The following TLE3 variants were observed in gnomAD, a reference collection of about 807,000 sequenced individuals.
TLE3 encodes TLE family member 3, transcriptional corepressor, also known as transducin-like enhancer protein 3.
TLE3 carries 14 observed loss-of-function variants against 93.0 expected under a neutral mutation model. The ratio of observed to expected loss-of-function variants is 0.15; its 90% confidence interval spans 0.10 to 0.24. The LOEUF (loss-of-function observed/expected upper bound fraction) is 0.24. TLE3 is among the 10% of genes least tolerant of loss of function. The pLI is 1.00. For missense variants in TLE3, 693 were observed against 1,046.6 expected, an observed-to-expected ratio of 0.66 and a Z score of 4.66; for synonymous variants, 451 against 425.0, an observed-to-expected ratio of 1.06 and a Z score of -0.75.
intron 15 of TLE3, 62 bp downstream of exon 15, chr15:70,054,987 G>A (rs2055894792): frequency 1.3e-6 from 2 of 1,525,286 alleles, no homozygotes; most frequent in Non-Finnish European, 1.8e-6. Context: ...CTCCCCTGTG[G>A]CCCAGGCTGC....
chr15:70,073,032 C>A (rs1036305570), intron 6 of TLE3, among the ~76,000 whole-genome samples: 1 of 152,210 alleles, frequency 6.6e-6, no homozygotes, highest in African/African-American at 2.4e-5. Context: ...TTGCATCCCC[C>A]ACCTGCCCAA....
chr15:70,073,547 C>G (rs745481842), intron 6 of TLE3, among the ~76,000 whole-genome samples: 1 of 152,182 alleles, frequency 6.6e-6, no homozygotes, highest in East Asian at 1.9e-4. Context: ...ATCTAGAAAT[C>G]GTTAGGAACA....
chr15:70,084,583 G>A (rs1328268989), intron 4 of TLE3, among the ~76,000 whole-genome samples: 1 of 152,174 alleles, frequency 6.6e-6, no homozygotes, highest in Non-Finnish European at 1.5e-5. Context: ...TCTTGATATA[G>A]CCTATGGATA....
In TLE3 at chr15:70,079,150, C is replaced by T. The variant is rs181779934; in HGVS notation, c.235-2992G>A. Among the ~76,000 whole-genome samples, 17 of 152,110 alleles carry T rather than the reference C, an allele frequency of 1.1e-4. No homozygotes were observed. The South Asian group carries it at 1.7e-3, about 15-fold the overall frequency. ...CAGGGCAAGTCCTCTCTCATTCTCA[C>T]CCCTCCACCCTCCTAAAGTAGTTCC... On this transcript the variant is annotated intron_variant, in intron 4 of 19. Coordinates refer to ENST00000451782, the MANE Select transcript of TLE3 (RefSeq NM_001105192.3).
At chr15:70,068,407 T>G (rs937882307) in intron 6 of TLE3, among the ~76,000 whole-genome samples, 5 of 152,220 alleles carry the variant, frequency 3.3e-5, no homozygotes, top group African/African-American at 1.2e-4. Flanking sequence ...CAATACAACT[T>G]TATCTGGATA....
In TLE3 at chr15:70,054,603, G is replaced by C. The variant is rs373800721; in HGVS notation, c.1661C>G (p.Thr554Ser). The C allele has an allele frequency of 1.2e-5, 19 of 1,613,202 alleles. No individual in the cohort carries two copies. Among genetic ancestry groups the C allele is most frequent in the Non-Finnish European group, 2.5e-6 (3 of 1,179,610 alleles). The change falls in exon 16 of 20, where the codon ACC becomes AGC. Residue 554 changes from threonine (T) to serine (S), a missense_variant. Thr to Ser is a moderately conservative substitution (Grantham distance 58). Around this residue, in one of 4 missense-constraint regions of TLE3, gnomAD observed 153 missense variants for 379.9 expected, o/e 0.40. Coordinates refer to ENST00000451782, the MANE Select transcript of TLE3 (RefSeq NM_001105192.3). ...LIVGGEASTL[T>S]IWDLASPTPR... Reference sequence around the variant, plus strand: ...CGTGGGCGAGGCCAGGTCCCAGATGGTGAGCGTGCTGGCCTCGCCGCCCAC... The same window carrying C: ...CGTGGGCGAGGCCAGGTCCCAGATGCTGAGCGTGCTGGCCTCGCCGCCCAC...
At chr15:70,093,829 G>A (rs2058421602) in intron 4 of TLE3, among the ~76,000 whole-genome samples, 2 of 152,198 alleles carry the variant, frequency 1.3e-5, no homozygotes, top group Non-Finnish European at 2.9e-5. Flanking sequence ...TTTGACTTCA[G>A]GATTTCAAAG....
chr15:70,089,552 A>G (rs1424499899), intron 4 of TLE3, among the ~76,000 whole-genome samples: 2 of 152,118 alleles, frequency 1.3e-5, no homozygotes, highest in Admixed American at 1.3e-4. Flanking sequence ...TCGGAACTCT[A>G]CTCTCAGATA....
rs747979528 is a variant in TLE3, at chr15:70,050,191, G to A, written c.2216C>T (p.Ser739Leu). Reference protein sequence around the residue: ...GASIFQSKESSSVLSCDISAD... With the variant: ...GASIFQSKESLSVLSCDISAD... Reference sequence around the variant, plus strand: ...TGAAATGTCACAACTCAAGACAGACGAGGATTCTTTAGACTGGAGGAGGAA... The same window carrying A: ...TGAAATGTCACAACTCAAGACAGACAAGGATTCTTTAGACTGGAGGAGGAA... The change falls in exon 20 of 20, where the codon TCG (serine) becomes TTG (leucine). Residue 739 changes from serine to leucine, a missense_variant. Around this residue, in one of 4 missense-constraint regions of TLE3, gnomAD observed 153 missense variants for 379.9 expected, o/e 0.40. Coordinates refer to ENST00000451782, the MANE Select transcript of TLE3 (RefSeq NM_001105192.3). 3 of 1,613,946 alleles carry A rather than the reference G, an allele frequency of 1.9e-6. No individual in the cohort carries two copies. Among genetic ancestry groups the A allele is most frequent in the Non-Finnish European group, 2.5e-6 (3 of 1,179,838 alleles).
chr15:70,065,328 C>T (rs541383396), intron 7 of TLE3, among the ~76,000 whole-genome samples: 2 of 152,358 alleles, frequency 1.3e-5, no homozygotes, highest in South Asian at 4.1e-4. Context: ...ACTCCTGAGG[C>T]CAAGCTCGGT....
intron 4 of TLE3, among the ~76,000 whole-genome samples, chr15:70,082,976 G>A (rs2057859302): frequency 7.2e-6 from 1 of 139,290 alleles, no homozygotes; most frequent in African/African-American, 3.0e-5. Flanking sequence ...AACTGGGGAT[G>A]GTTAGGCCAA....
rs375949122 is a variant in TLE3 at position 70,096,250 on chromosome 15, T to C, written c.36A>G (p.Gln12=). Reference sequence around the variant, plus strand: ...TGAATTTAAATCCCGGCTGCCCGGGTTGATGGGGAGCCTGGAGCCCGCGAA... The same window carrying C: ...TGAATTTAAATCCCGGCTGCCCGGGCTGATGGGGAGCCTGGAGCCCGCGAA... The part of the protein sequence containing the change: ...YPQGRHPAPH[Q]PGQPGFKFTV... The change falls in exon 2 of 20, where the codon CAA becomes CAG. Residue 12 remains glutamine, a synonymous_variant. Transcript: ENST00000451782. 140 of 1,553,362 alleles carry C rather than the reference T, an allele frequency of 9.0e-5. No homozygotes were observed. Among genetic ancestry groups the C allele is most frequent in the Non-Finnish European group, 1.2e-4 (137 of 1,148,546 alleles).
intron 4 of TLE3, 87 bp from the exon 5 acceptor site, chr15:70,076,245 C>G (rs1360528732): frequency 1.6e-6 from 2 of 1,246,550 alleles, no homozygotes; most frequent in East Asian, 4.6e-5. Flanking sequence ...CAAACTCCCC[C>G]CAGACCACAG....
chr15:70,062,505 T>C (rs930047814), intron 8 of TLE3, among the ~76,000 whole-genome samples: 1 of 152,234 alleles, frequency 6.6e-6, no homozygotes, highest in African/African-American at 2.4e-5. Flanking sequence ...CGGAGAGTCA[T>C]GTCAGGCATT....
In TLE3 at chr15:70,096,225, T is replaced by A. The variant is rs2058552008; in HGVS notation, c.61A>T (p.Thr21Ser). The change falls in exon 2 of 20, where the codon ACG becomes TCG. Residue 21 changes from threonine to serine, a missense_variant. By Grantham distance (58) the Thr-to-Ser change is moderately conservative (BLOSUM62 1). This residue lies in a region of TLE3 where 104 missense variants were observed against 173.8 expected (regional missense o/e 0.60). Coordinates refer to ENST00000451782, the MANE Select transcript of TLE3 (RefSeq NM_001105192.3). The stretch of plus-strand genomic sequence containing the variant: ...ATCCTGTCACAAGACTCAGCCACCG[T>A]GAATTTAAATCCCGGCTGCCCGGGT... ...HQPGQPGFKF[T>S]VAESCDRIKD... 3 of 1,559,214 alleles carry A rather than the reference T, an allele frequency of 1.9e-6. No homozygotes were observed. In the East Asian group the frequency reaches 7.2e-5, roughly 38 times the overall value.
At chr15:70,051,115 C>A (rs2055493561) in intron 19 of TLE3, 2 of 302,504 alleles carry the variant, frequency 6.6e-6, no homozygotes, top group East Asian at 1.5e-4. Context: ...CTATTCCTCA[C>A]TCTCCAAATC....
intron 2 of TLE3, 168 bp downstream of exon 2, chr15:70,095,993 T>C (rs1401132000): frequency 4.7e-6 from 4 of 842,346 alleles, no homozygotes; most frequent in Non-Finnish European, 7.1e-6. Flanking sequence ...CTGCGGGCAG[T>C]AAAGGGTTAA....
rs2058606015 is a variant in TLE3, at chr15:70,097,169, G to A, written c.-371C>T. The A allele has an allele frequency of 2.4e-6, 1 of 418,970 alleles. No homozygotes were observed. Among genetic ancestry groups the A allele is most frequent in the Middle Eastern group, 6.0e-4 (1 of 1,662 alleles). The allele number at this position is 418,970 out of a possible 1,614,324, so 26.0% of individuals were successfully genotyped here. ...CAGCAGGTCCGGCGCGGGGTCCCGA[G>A]GCCGGGGGCCCCTCCTGGGGCGAGC... On this transcript the variant is annotated 5_prime_UTR_variant, in exon 1 of 20. Coordinates refer to ENST00000451782, the MANE Select transcript of TLE3 (RefSeq NM_001105192.3).
intron 19 of TLE3, chr15:70,051,005 G>C: frequency 5.9e-6 from 1 of 169,894 alleles, no homozygotes; most frequent in South Asian, 1.4e-4. Flanking sequence ...TCACTCACTT[G>C]AGGAGGCAAC....
Sources: allele counts gnomAD v4.1 joint callset (sites outside exome capture counted in the v4.1 genomes callset), GRCh38; gene constraint gnomAD v4.1.1; regional missense constraint gnomAD v4.1.1; transcripts MANE v1.5; gene names NCBI Gene and HGNC (gene_info 2026-07-23, HGNC 2026-07-21).